Variants in UGT1A9 observed in about 807,000 individuals in gnomAD.
UGT1A9 encodes the protein UDP-glucuronosyltransferase 1A9.
A neutral mutation model predicts 45.0 loss-of-function variants in UGT1A9; 35 were observed. The ratio of observed to expected loss-of-function variants is 0.78; its 90% CI spans 0.59 to 1.03. The LOEUF is 1.03. UGT1A9 is among the 50% of genes least tolerant of loss of function. The pLI is 0.00. For missense variants in UGT1A9, 687 were observed against 666.6 expected (o/e 1.03, Z -0.34); for synonymous variants, 278 against 250.6 (o/e 1.11, Z -1.03).
intron 1 of UGT1A9, among the ~76,000 whole-genome samples, chr2:233,741,186 G>A (rs901469782): frequency 6.6e-6 from 1 of 151,878 alleles, no homozygotes; most frequent in African/African-American, 2.4e-5. Flanking sequence ...ACTTGTGTTT[G>A]CTTTCAACTG....
chr2:233,745,257 G>A (rs1693056252), intron 1 of UGT1A9, among the ~76,000 whole-genome samples: 1 of 151,828 alleles, frequency 6.6e-6, no homozygotes, highest in African/African-American at 2.4e-5. Context: ...AAACCATTAA[G>A]ACTTGCAGGC....
chr2:233,772,314 G>C lies in UGT1A9; in HGVS notation c.1348G>C (p.Glu450Gln), dbSNP rs1312404188. 1.9e-6 allele frequency: 3 copies of C among 1,614,222 alleles called. No homozygotes were observed. In the East Asian group the frequency reaches 6.7e-5, roughly 36 times the overall value. The change falls in exon 5 of 5, where the codon GAG becomes CAG. Residue 450 changes from glutamate (E) to glutamine (Q), a missense_variant. Coordinates refer to ENST00000354728, the MANE Select transcript of UGT1A9 (RefSeq NM_021027.3). ...LSSLHKDRPV[E>Q]PLDLAVFWVE... Reference sequence around the variant, plus strand: ...CAGCCTTCACAAGGACCGCCCGGTGGAGCCGCTGGACCTGGCCGTGTTCTG... The same window carrying C: ...CAGCCTTCACAAGGACCGCCCGGTGCAGCCGCTGGACCTGGCCGTGTTCTG...
At chr2:233,694,556 T>C (rs975980034) in intron 1 of UGT1A9, among the ~76,000 whole-genome samples, 1 of 152,222 alleles carries the variant, frequency 6.6e-6, no homozygotes, top group African/African-American at 2.4e-5. Flanking sequence ...TAAAAATCTG[T>C]GAGTTTTAAA....
intron 1 of UGT1A9, among the ~76,000 whole-genome samples, chr2:233,679,459 C>G (rs2074453167): frequency 6.6e-6 from 1 of 152,200 alleles, no homozygotes; most frequent in Non-Finnish European, 1.5e-5. Flanking sequence ...TGCATTTACA[C>G]AAAACAGTAG....
intron 1 of UGT1A9, among the ~76,000 whole-genome samples, chr2:233,761,350 G>A (rs572501988): frequency 2.6e-5 from 4 of 152,266 alleles, no homozygotes; most frequent in South Asian, 2.1e-4. Context: ...CTGAGATTTC[G>A]GGAAAGCATT....
chr2:233,673,563 A>AT (rs1478779094), intron 1 of UGT1A9, among the ~76,000 whole-genome samples: 4 of 151,916 alleles, frequency 2.6e-5, no homozygotes, highest in Non-Finnish European at 4.4e-5. Flanking sequence ...TTTTTTTGCT[A>AT]TTGTGTCTTC....
chr2:233,673,511 A>C (rs983652888), intron 1 of UGT1A9, among the ~76,000 whole-genome samples: 2 of 152,138 alleles, frequency 1.3e-5, no homozygotes, highest in African/African-American at 2.4e-5. Flanking sequence ...AGAGCCCTAC[A>C]TGTAGGGTTA....
chr2:233,672,117 G>A lies in UGT1A9; in HGVS notation c.183G>A (p.Glu61=), dbSNP rs764796781. Reference sequence around the variant, plus strand: ...ATGAGGTGGTTGTAGTCATGCCAGAGGTGAGTTGGCAACTGGGAAGATCAC... The same window carrying A: ...ATGAGGTGGTTGTAGTCATGCCAGAAGTGAGTTGGCAACTGGGAAGATCAC... ...RGHEVVVVMP[E]VSWQLGRSLN... is the part of the protein sequence containing the mutation. Residue 61 remains glutamate, a synonymous_variant, in exon 1 of 5, where the codon GAG becomes GAA. Transcript: ENST00000354728. 1.2e-6 allele frequency: 2 copies of A among 1,614,166 alleles called. No individual in the cohort carries two copies. The highest frequency in any genetic ancestry group is 1.7e-6 in the Non-Finnish European group (2 of 1,180,018).
intron 1 of UGT1A9, among the ~76,000 whole-genome samples, chr2:233,716,034 G>A (rs1575511735): frequency 6.6e-6 from 1 of 152,264 alleles, no homozygotes; most frequent in Non-Finnish European, 1.5e-5. Context: ...TTTGATGTCA[G>A]CATTCTGATT....
At chr2:233,689,021 C>G (rs10171367) in intron 1 of UGT1A9, among the ~76,000 whole-genome samples, 59,752 of 152,004 alleles carry the variant, frequency 0.39, 11,933 homozygotes, top group South Asian at 0.46. Flanking sequence ...ATAAACATGG[C>G]CAAGTGGAAA....
intron 1 of UGT1A9, among the ~76,000 whole-genome samples, chr2:233,746,886 T>G (rs1265545295): frequency 6.6e-6 from 1 of 151,624 alleles, no homozygotes; most frequent in Non-Finnish European, 1.5e-5. Context: ...AACAGAGAAG[T>G]AGGAGGCTGT....
intron 1 of UGT1A9, chr2:233,719,003 C>T: frequency 6.2e-7 from 1 of 1,614,256 alleles, no homozygotes; most frequent in Admixed American, 1.7e-5. Context: ...CGGTGGTCCT[C>T]ACCCCAGAGG....
At chr2:233,768,114 G>A (rs763965900) in intron 3 of UGT1A9, 106 bp from the exon 4 acceptor site, 19 of 1,597,766 alleles carry the variant, frequency 1.2e-5, no homozygotes, top group Non-Finnish European at 1.6e-5. Flanking sequence ...TTCTGCAAGG[G>A]CATGTGAGTA....
chr2:233,747,446 A>G (rs1037579291), intron 1 of UGT1A9: 7 of 1,608,790 alleles, frequency 4.4e-6, no homozygotes, highest in Admixed American at 3.3e-5. Flanking sequence ...TCACCCTGAC[A>G]ACCTATGCCA....
At position 233,682,706 on chromosome 2, in the gene UGT1A9, T is replaced by G. The variant is rs200834770; in HGVS notation, c.855+9917T>G. 8.8e-5 allele frequency: 142 copies of G among 1,613,896 alleles called. No individual in the cohort carries two copies. The Middle Eastern group carries it at 1.2e-3, about 13-fold the overall frequency. On this transcript the variant is annotated intron_variant, in intron 1 of 4. Coordinates refer to ENST00000354728, the MANE Select transcript of UGT1A9 (RefSeq NM_021027.3). ...ATCAATTTGGTTGTTGCGAACTGAC[T>G]TTGTTTTGGAGTATCCCAAACCCGT...
rs1319041279 is a variant in UGT1A9 at position 233,750,932 on chromosome 2, G to C, written c.856-16102G>C. Among the ~76,000 whole-genome samples the C allele has an allele frequency of 2.6e-5, 4 of 151,980 alleles. No homozygotes were observed. The East Asian group carries it at 7.7e-4, about 29-fold the overall frequency. ...AAGGGTGGTAAAGAAATGTGAGGTT[G>C]GAGCCCCCACACAGAGTCTCCACTG... On this transcript the variant is annotated intron_variant, in intron 1 of 4. Coordinates refer to ENST00000354728, the MANE Select transcript of UGT1A9 (RefSeq NM_021027.3).
intron 1 of UGT1A9, among the ~76,000 whole-genome samples, chr2:233,717,273 A>G (rs3806593): frequency 0.1 from 15,402 of 152,148 alleles, 886 homozygotes; most frequent in East Asian, 0.2. Context: ...ATAGTTGAGA[A>G]GCTGAGATGT....
intron 1 of UGT1A9, 101 bp from the exon 2 acceptor site, chr2:233,766,933 A>C: frequency 6.3e-7 from 1 of 1,584,088 alleles, no homozygotes; most frequent in South Asian, 1.2e-5. Flanking sequence ...CATGCCTTTA[A>C]TCATAGTCTT....
intron 1 of UGT1A9, chr2:233,743,968 T>G: frequency 7.5e-7 from 1 of 1,327,238 alleles, no homozygotes; most frequent in Non-Finnish European, 1.0e-6. Flanking sequence ...GCGGCAAGGC[T>G]GCCAGCACCC....
Sources: allele counts gnomAD v4.1 joint callset (sites outside exome capture counted in the v4.1 genomes callset), GRCh38; gene constraint gnomAD v4.1.1; transcripts MANE v1.5; gene names NCBI Gene and HGNC (gene_info 2026-07-23, HGNC 2026-07-21).